TNFRSF11B: variants seen among roughly 807,000 people sequenced by gnomAD.
TNFRSF11B encodes TNF receptor superfamily member 11b, also known as tumor necrosis factor receptor superfamily member 11B.
Under a neutral mutation model 43.4 loss-of-function variants are expected in TNFRSF11B, and 16 were observed. That is an observed-to-expected ratio of 0.37 (90% CI 0.25 to 0.56). The LOEUF is 0.56. Ranked by LOEUF, TNFRSF11B falls within the 20% of genes least tolerant of loss-of-function variation. TNFRSF11B has a pLI of 0.80. For missense variants in TNFRSF11B, 444 were observed against 490.1 expected (o/e 0.91, Z 0.89); for synonymous variants, 185 against 181.8 (o/e 1.02, Z -0.14).
chr8:118,937,893 G>C (rs758914496), intron 1 of TNFRSF11B, among the ~76,000 whole-genome samples: 1 of 151,972 alleles, frequency 6.6e-6, no homozygotes, highest in Non-Finnish European at 1.5e-5. Flanking sequence ...TCTAAGAAGG[G>C]GTTTAGTTGT....
chr8:118,941,819 A>C (rs1245359523), intron 1 of TNFRSF11B, among the ~76,000 whole-genome samples: 3 of 152,212 alleles, frequency 2.0e-5, no homozygotes, highest in Non-Finnish European at 4.4e-5. Flanking sequence ...CGGAAATTGC[A>C]CATATTTTGG....
chr8:118,941,919 G>A (rs1358714817), intron 1 of TNFRSF11B, among the ~76,000 whole-genome samples: 1 of 152,144 alleles, frequency 6.6e-6, no homozygotes, highest in Non-Finnish European at 1.5e-5. Context: ...TTCAACAGCA[G>A]GGATGGCCGA....
chr8:118,940,415 C>G (rs1812471169), intron 1 of TNFRSF11B, among the ~76,000 whole-genome samples: 1 of 152,162 alleles, frequency 6.6e-6, no homozygotes, highest in South Asian at 2.1e-4. Flanking sequence ...GCACTTTCAG[C>G]TTGGAAACCT....
At position 118,937,765 on chromosome 8, in the gene TNFRSF11B, A is replaced by T. The variant is rs191622623; in HGVS notation, c.31-4465T>A. ...ACAGGGAAAACATCTAGAAGGATCA[A>T]TTAGTTTCAATCAATTAGTTTCATA... On this transcript the variant is annotated intron_variant, in intron 1 of 4. Transcript: ENST00000297350. Among the ~76,000 whole-genome samples, 28 of 152,314 alleles carry T rather than the reference A, an allele frequency of 1.8e-4. No individual in the cohort carries two copies. The East Asian group carries it at 4.8e-3, about 26-fold the overall frequency.
chr8:118,934,925 AC>A (rs1284802562), intron 1 of TNFRSF11B, among the ~76,000 whole-genome samples: 1 of 152,214 alleles, frequency 6.6e-6, no homozygotes, highest in Non-Finnish European at 1.5e-5. Context: ...AACTGAAGTA[AC>A]TTCATTCACT....
chr8:118,946,839 C>T (rs1243838522), intron 1 of TNFRSF11B, among the ~76,000 whole-genome samples: 1 of 152,280 alleles, frequency 6.6e-6, no homozygotes, highest in East Asian at 1.9e-4. Flanking sequence ...GCCTACTTGA[C>T]ATCTCTGAGA....
intron 1 of TNFRSF11B, among the ~76,000 whole-genome samples, chr8:118,948,961 T>A (rs1246593211): frequency 6.6e-6 from 1 of 152,140 alleles, no homozygotes; most frequent in Non-Finnish European, 1.5e-5. Context: ...CAACTCCTAG[T>A]ATCATAACAT....
chr8:118,927,567 T>TC (rs1812260915), intron 3 of TNFRSF11B, among the ~76,000 whole-genome samples: 1 of 151,550 alleles, frequency 6.6e-6, no homozygotes, highest in South Asian at 2.1e-4. Flanking sequence ...TTTTTTTTTT[T>TC]TTAGATAAGA....
At chr8:118,950,434 A>G (rs1176866056) in intron 1 of TNFRSF11B, among the ~76,000 whole-genome samples, 1 of 152,232 alleles carries the variant, frequency 6.6e-6, no homozygotes, top group Admixed American at 6.5e-5. Flanking sequence ...TTCCATTTAT[A>G]GGAAGTTCAA....
intron 1 of TNFRSF11B, among the ~76,000 whole-genome samples, chr8:118,944,721 A>G (rs1410621718): frequency 2.0e-5 from 3 of 152,080 alleles, no homozygotes; most frequent in African/African-American, 7.2e-5. Context: ...TGTAGTTGTT[A>G]ATGGTCATGC....
intron 3 of TNFRSF11B, among the ~76,000 whole-genome samples, chr8:118,926,972 G>A (rs537309013): frequency 6.6e-6 from 1 of 152,282 alleles, no homozygotes; most frequent in African/African-American, 2.4e-5. Context: ...TCTAATTAGA[G>A]TGAAATATTG....
chr8:118,925,756 A>T (rs756084970), intron 4 of TNFRSF11B, among the ~76,000 whole-genome samples: 3 of 152,172 alleles, frequency 2.0e-5, no homozygotes, highest in African/African-American at 7.2e-5. Context: ...CCCAATGCTT[A>T]CTGAAGTCAG....
At chr8:118,947,360 C>A (rs969041081) in intron 1 of TNFRSF11B, among the ~76,000 whole-genome samples, 3 of 152,106 alleles carry the variant, frequency 2.0e-5, no homozygotes, top group Non-Finnish European at 4.4e-5. Context: ...AGGAAACACA[C>A]CTTATTGTCA....
At chr8:118,924,796 A>G (rs370689877) in intron 4 of TNFRSF11B, 34 bp from the exon 5 acceptor site, 2 of 1,613,644 alleles carry the variant, frequency 1.2e-6, no homozygotes, top group Non-Finnish European at 1.7e-6. Context: ...AAGTGTTCAC[A>G]TCATTTATAT....
chr8:118,937,372 C>G (rs1812419583), intron 1 of TNFRSF11B, among the ~76,000 whole-genome samples: 1 of 152,164 alleles, frequency 6.6e-6, no homozygotes, highest in African/African-American at 2.4e-5. Context: ...TAGCAGAACT[C>G]TTTACCAACC....
intron 1 of TNFRSF11B, among the ~76,000 whole-genome samples, chr8:118,936,090 G>A (rs1257200459): frequency 6.6e-6 from 1 of 152,128 alleles, no homozygotes; most frequent in Non-Finnish European, 1.5e-5. Flanking sequence ...ATTTTTCTAG[G>A]TATTTGGACA....
At chr8:118,947,952 T>A (rs1389432295) in intron 1 of TNFRSF11B, among the ~76,000 whole-genome samples, 1 of 152,222 alleles carries the variant, frequency 6.6e-6, no homozygotes, top group Non-Finnish European at 1.5e-5. Context: ...TATAAATTAC[T>A]TTCTTTTTAT....
intron 2 of TNFRSF11B, among the ~76,000 whole-genome samples, chr8:118,929,657 A>C (rs749755970): frequency 6.6e-6 from 1 of 151,904 alleles, no homozygotes; most frequent in Non-Finnish European, 1.5e-5. Flanking sequence ...GATAAATTTG[A>C]AGAAATCATT....
chr8:118,938,150 CAA>C (rs1313382015), intron 1 of TNFRSF11B, among the ~76,000 whole-genome samples: 2 of 151,812 alleles, frequency 1.3e-5, no homozygotes, highest in African/African-American at 4.8e-5. Context: ...TTGTCTATTT[CAA>C]TTTTATTTTT....
Sources: allele counts gnomAD v4.1 joint callset (sites outside exome capture counted in the v4.1 genomes callset), GRCh38; gene constraint gnomAD v4.1.1; transcripts MANE v1.5; gene names NCBI Gene and HGNC (gene_info 2026-07-23, HGNC 2026-07-21).